The following GPC6 variants were observed in gnomAD, a reference collection of about 807,000 sequenced individuals.
GPC6 encodes the protein glypican 6.
Under a neutral mutation model 55.2 loss-of-function variants are expected in GPC6, and 14 were observed. The observed-to-expected ratio is 0.25, with a 90% confidence interval of 0.17 to 0.40. The LOEUF (loss-of-function observed/expected upper bound fraction) is 0.40. GPC6 is among the 10% of genes least tolerant of loss of function. The probability of loss-of-function intolerance (pLI) is 1.00; values close to 1 mark genes in which losing one functional copy is unlikely to be tolerated. For synonymous variants in GPC6, 278 were observed against 259.6 expected (o/e 1.07, Z -0.68); for missense variants, 641 against 708.5 (o/e 0.90, Z 1.08).
chr13:94,361,633 G>C (rs1418326871), intron 6 of GPC6, among the ~76,000 whole-genome samples: 1 of 152,228 alleles, frequency 6.6e-6, no homozygotes, highest in African/African-American at 2.4e-5. Flanking sequence ...TCCTTTTGTG[G>C]ACAGGCCTTT....
At position 94,125,316 on chromosome 13, in the gene GPC6, C is replaced by T. The variant is rs549573713; in HGVS notation, c.877+97422C>T. On this transcript the variant is annotated intron_variant, in intron 4 of 8. Transcript: ENST00000377047. The stretch of plus-strand genomic sequence containing the variant: ...TCTCAAAAAAAGGAACCTGCCTTAA[C>T]AGAAATTCCTTCTCTACAATCTAGA... Among the ~76,000 whole-genome samples, 10 of 152,160 alleles carry T rather than the reference C, an allele frequency of 6.6e-5. No homozygotes were observed. In the East Asian group the frequency reaches 1.7e-3, roughly 27 times the overall value.
At chr13:94,242,234 C>A (rs1281580395) in intron 4 of GPC6, among the ~76,000 whole-genome samples, 1 of 152,068 alleles carries the variant, frequency 6.6e-6, no homozygotes, top group African/African-American at 2.4e-5. Flanking sequence ...CATGTCCCTA[C>A]AAAGGACATG....
intron 1 of GPC6, among the ~76,000 whole-genome samples, chr13:93,422,375 C>T (rs989783848): frequency 1.3e-5 from 2 of 152,120 alleles, no homozygotes; most frequent in African/African-American, 4.8e-5. Flanking sequence ...AAATTGCCTC[C>T]TTTTCTAAAT....
intron 3 of GPC6, among the ~76,000 whole-genome samples, chr13:93,993,266 C>T (rs1881390301): frequency 6.6e-6 from 1 of 151,206 alleles, no homozygotes; most frequent in African/African-American, 2.4e-5. Flanking sequence ...TAATTAAAAG[C>T]AATTCTAATT....
chr13:93,494,785 C>T (rs1880188474), intron 1 of GPC6, among the ~76,000 whole-genome samples: 1 of 149,572 alleles, frequency 6.7e-6, no homozygotes, highest in Non-Finnish European at 1.5e-5. Flanking sequence ...ACTTATGAAG[C>T]TTAGTTTGGC....
At chr13:93,769,815 G>A (rs768748712) in intron 2 of GPC6, among the ~76,000 whole-genome samples, 21 of 152,292 alleles carry the variant, frequency 1.4e-4, no homozygotes, top group Middle Eastern at 6.8e-3. Context: ...TCTTTCAGCT[G>A]CAGTCAGTGT....
In GPC6 at chr13:94,405,298, A is replaced by T. The variant is rs561935102; in HGVS notation, c.*2081A>T. The T allele has an allele frequency of 6.6e-6, 1 of 152,316 alleles. No homozygotes were observed. The highest frequency in any genetic ancestry group is 2.4e-5 in the African/African-American group (1 of 41,574). 9.4% of individuals were successfully genotyped at this position (152,316 alleles called of 1,614,324 possible). A position where few individuals can be genotyped will look rare whatever the true frequency, so the allele number is the denominator to read the frequency against. On this transcript the variant is annotated 3_prime_UTR_variant, in exon 9 of 9. Coordinates refer to ENST00000377047, the MANE Select transcript of GPC6 (RefSeq NM_005708.5). Reference sequence around the variant, plus strand: ...ATACTCCTAGAAAACCATCCATTTCACTGCCCACATTTTGGCTTCCTACCA... The same window carrying T: ...ATACTCCTAGAAAACCATCCATTTCTCTGCCCACATTTTGGCTTCCTACCA...
chr13:93,225,064 T>C (rs1467044797), upstream of GPC6, among the ~76,000 whole-genome samples: 4 of 152,326 alleles, frequency 2.6e-5, no homozygotes, highest in Middle Eastern at 6.8e-3. Context: ...ACATATACTA[T>C]GCTTTTACCC....
chr13:93,877,209 G>A (rs1044383827), intron 3 of GPC6, among the ~76,000 whole-genome samples: 1 of 151,996 alleles, frequency 6.6e-6, no homozygotes, highest in Non-Finnish European at 1.5e-5. Context: ...ATTAGAGGAA[G>A]AAGAATTTAT....
intron 2 of GPC6, among the ~76,000 whole-genome samples, chr13:93,621,272 TG>T (rs749759598): frequency 6.6e-6 from 1 of 152,178 alleles, no homozygotes; most frequent in Non-Finnish European, 1.5e-5. Flanking sequence ...CCATGGCACT[TG>T]TTGCAACCTG....
chr13:94,133,858 G>T (rs1182228452), intron 4 of GPC6, among the ~76,000 whole-genome samples: 2 of 152,062 alleles, frequency 1.3e-5, no homozygotes, highest in African/African-American at 4.8e-5. Flanking sequence ...AATAACAAAG[G>T]TGAGATATTC....
rs532157411 is a variant in GPC6, at chr13:93,310,185, G to A, written c.160+82569G>A. 5.3e-5 allele frequency among the ~76,000 whole-genome samples: 8 copies of A among 152,208 alleles called. 1 individual carries two copies. The South Asian group carries it at 1.7e-3, about 32-fold the overall frequency. On this transcript the variant is annotated intron_variant, in intron 1 of 8. Transcript: ENST00000377047. ...TGGCTTCCACTTGATTACTCTCTGT[G>A]ACCAAATAGAAACTACAACCTCCCT...
intron 2 of GPC6, among the ~76,000 whole-genome samples, chr13:93,638,630 T>C (rs1358193792): frequency 1.3e-5 from 2 of 152,100 alleles, no homozygotes; most frequent in East Asian, 3.9e-4. Context: ...CATCTGTGTC[T>C]CAGACTAATA....
At chr13:94,352,506 C>T (rs755972011) in intron 6 of GPC6, among the ~76,000 whole-genome samples, 12 of 152,146 alleles carry the variant, frequency 7.9e-5, no homozygotes, top group Non-Finnish European at 1.6e-4. Flanking sequence ...CATTCATTCT[C>T]GGGGCTTCCT....
chr13:93,940,228 T>C (rs1878662996), intron 3 of GPC6, among the ~76,000 whole-genome samples: 1 of 152,186 alleles, frequency 6.6e-6, no homozygotes, highest in Non-Finnish European at 1.5e-5. Context: ...TTTAATTTAA[T>C]AGAAGCCATT....
At chr13:93,863,806 G>A (rs138491525) in intron 3 of GPC6, among the ~76,000 whole-genome samples, 39 of 151,782 alleles carry the variant, frequency 2.6e-4, no homozygotes, top group Non-Finnish European at 4.7e-4. Flanking sequence ...GATTGACAAA[G>A]TCCTATATTA....
At chr13:93,813,929 A>G (rs1308386453) in intron 2 of GPC6, among the ~76,000 whole-genome samples, 6 of 152,072 alleles carry the variant, frequency 3.9e-5, no homozygotes, top group Non-Finnish European at 7.4e-5. Flanking sequence ...ATAATTATTA[A>G]TGTTCTTTAG....
chr13:93,285,606 G>A (rs1432415604), intron 1 of GPC6, among the ~76,000 whole-genome samples: 2 of 148,980 alleles, frequency 1.3e-5, no homozygotes, highest in African/African-American at 5.0e-5. Context: ...GTATGTGTAT[G>A]TATATACTGC....
At chr13:93,562,142 G>A (rs1386925318) in intron 2 of GPC6, among the ~76,000 whole-genome samples, 3 of 151,970 alleles carry the variant, frequency 2.0e-5, no homozygotes, top group Non-Finnish European at 4.4e-5. Context: ...AGTTTGTGAT[G>A]GAGCCTTTCC....
Sources: gnomAD v4.1 joint callset for allele counts (sites outside exome capture counted in the v4.1 genomes callset) on GRCh38, gnomAD v4.1.1 for gene constraint, MANE v1.5 for transcripts, NCBI Gene and HGNC (gene_info 2026-07-23, HGNC 2026-07-21) for gene names.